Variants in THRB observed in about 807,000 individuals in gnomAD.
THRB encodes the protein nuclear receptor subfamily 1 group A member 2.
In THRB, 12 loss-of-function variants were observed where a neutral mutation model predicts 47.8. The ratio of observed to expected loss-of-function variants is 0.25; its 90% CI spans 0.16 to 0.41. The LOEUF is 0.41. Ranked by LOEUF, THRB falls within the 10% of genes least tolerant of loss-of-function variation. The pLI, the probability that THRB is intolerant of heterozygous loss-of-function variation, is 1.00. For missense variants in THRB, 348 were observed against 589.2 expected, an observed-to-expected ratio of 0.59 and a Z score of 4.24; for synonymous variants, 218 against 212.2, an observed-to-expected ratio of 1.03 and a Z score of -0.24.
intron 2 of THRB, among the ~76,000 whole-genome samples, chr3:24,330,317 T>C (rs76664891): frequency 6.9e-6 from 1 of 145,972 alleles, no homozygotes; most frequent in African/African-American, 2.5e-5. Flanking sequence ...CCGTCTCAAA[T>C]AAAAAAAAAA....
At chr3:24,236,924 C>T (rs957060955) in intron 3 of THRB, among the ~76,000 whole-genome samples, 3 of 152,066 alleles carry the variant, frequency 2.0e-5, no homozygotes, top group Admixed American at 2.0e-4. Flanking sequence ...GTTAAGAACT[C>T]AAATAGGAGA....
At chr3:24,255,645 A>C (rs2051183600) in intron 3 of THRB, among the ~76,000 whole-genome samples, 1 of 152,120 alleles carries the variant, frequency 6.6e-6, no homozygotes, top group Admixed American at 6.5e-5. Flanking sequence ...GGGCAATCCC[A>C]TGTGTGGGTT....
At chr3:24,474,152 A>G (rs1252054317) in intron 1 of THRB, among the ~76,000 whole-genome samples, 2 of 152,218 alleles carry the variant, frequency 1.3e-5, no homozygotes, top group Non-Finnish European at 2.9e-5. Flanking sequence ...GTGGTATTAC[A>G]CTAAACCTGC....
intron 3 of THRB, 117 bp from the exon 4 acceptor site, chr3:24,229,118 A>G (rs2047994930): frequency 4.3e-6 from 3 of 694,856 alleles, no homozygotes; most frequent in Non-Finnish European, 7.7e-6. Flanking sequence ...GTTACTCTCA[A>G]CTCAGAACTG....
intron 1 of THRB, among the ~76,000 whole-genome samples, chr3:24,457,564 A>T (rs1176037822): frequency 6.6e-6 from 1 of 152,218 alleles, no homozygotes; most frequent in Non-Finnish European, 1.5e-5. Flanking sequence ...TTGTCTTAAA[A>T]GGCAACAAAC....
chr3:24,335,514 T>C (rs1263402712), intron 2 of THRB, among the ~76,000 whole-genome samples: 2 of 152,212 alleles, frequency 1.3e-5, no homozygotes, highest in Non-Finnish European at 2.9e-5. Flanking sequence ...TTCTTTATTT[T>C]CCTCTTTGTT....
chr3:24,140,783 A>G (rs941989806), intron 8 of THRB, among the ~76,000 whole-genome samples: 10 of 152,228 alleles, frequency 6.6e-5, no homozygotes, highest in African/African-American at 2.4e-4. Context: ...TCTCCCAGAG[A>G]GAGAACGGGC....
chr3:24,375,762 G>A (rs2065240755), intron 1 of THRB, among the ~76,000 whole-genome samples: 1 of 151,734 alleles, frequency 6.6e-6, no homozygotes, highest in African/African-American at 2.4e-5. Flanking sequence ...CTCAAGCCCA[G>A]GGACATTGAG....
Position 24,118,701 on chromosome 3 carries a change from T to A in THRB, c.*4183A>T, listed in dbSNP as rs1425513665. On this transcript the variant is annotated 3_prime_UTR_variant, in exon 11 of 11. Transcript: ENST00000646209. Reference sequence around the variant, plus strand: ...CAATACATATGTAAAGTGTCTCCTTTTGTCTTACATTGTGCTCCATAATTT... The same window carrying A: ...CAATACATATGTAAAGTGTCTCCTTATGTCTTACATTGTGCTCCATAATTT... 6.6e-6 allele frequency: 1 copy of A among 152,634 alleles called. No individual in the cohort carries two copies. The highest frequency in any genetic ancestry group is 2.4e-5 in the African/African-American group (1 of 41,442). 9.5% of individuals were successfully genotyped at this position (152,634 alleles called of 1,614,324 possible).
chr3:24,280,653 C>T (rs1371994565), intron 3 of THRB, among the ~76,000 whole-genome samples: 2 of 152,146 alleles, frequency 1.3e-5, no homozygotes, highest in Non-Finnish European at 2.9e-5. Flanking sequence ...TATGGGAGGA[C>T]ATTCAAACCA....
intron 3 of THRB, among the ~76,000 whole-genome samples, chr3:24,236,498 C>A (rs1337715274): frequency 3.9e-5 from 6 of 152,128 alleles, no homozygotes; most frequent in Non-Finnish European, 7.4e-5. Flanking sequence ...TCCTGGCCAG[C>A]CTCAATCATC....
intron 6 of THRB, 112 bp from the exon 7 acceptor site, chr3:24,146,934 G>T (rs2036174215): frequency 2.2e-6 from 2 of 898,976 alleles, no homozygotes; most frequent in African/African-American, 1.7e-5. Flanking sequence ...ACCTTAACCT[G>T]TTTCTAGGCC....
intron 3 of THRB, among the ~76,000 whole-genome samples, chr3:24,235,984 G>A (rs964903922): frequency 2.0e-5 from 3 of 152,108 alleles, no homozygotes; most frequent in African/African-American, 7.2e-5. Flanking sequence ...GTCCCCACTT[G>A]AGCCTTCCCA....
intron 3 of THRB, among the ~76,000 whole-genome samples, chr3:24,273,580 T>C (rs2053575623): frequency 6.6e-6 from 1 of 152,234 alleles, no homozygotes; most frequent in Admixed American, 6.5e-5. Context: ...CTAAAGCTTG[T>C]GAAGACAGAA....
At chr3:24,277,630 C>A (rs1456867678) in intron 3 of THRB, among the ~76,000 whole-genome samples, 1 of 152,088 alleles carries the variant, frequency 6.6e-6, no homozygotes, top group Non-Finnish European at 1.5e-5. Flanking sequence ...TTCATCTATA[C>A]AAGATTTTGG....
intron 1 of THRB, among the ~76,000 whole-genome samples, chr3:24,363,546 C>A (rs1331529061): frequency 3.9e-5 from 6 of 152,024 alleles, no homozygotes; most frequent in Admixed American, 3.9e-4. Flanking sequence ...TTTGGCTAAA[C>A]CAAAACGTGA....
At chr3:24,328,076 C>T (rs905661556) in intron 2 of THRB, among the ~76,000 whole-genome samples, 4 of 151,958 alleles carry the variant, frequency 2.6e-5, no homozygotes, top group Admixed American at 1.3e-4. Context: ...CAGTAAAGTA[C>T]ACATTAAAGC....
At chr3:24,214,625 C>T (rs1032476533) in intron 4 of THRB, among the ~76,000 whole-genome samples, 5 of 152,198 alleles carry the variant, frequency 3.3e-5, no homozygotes, top group African/African-American at 1.2e-4. Context: ...TGGTGTTATC[C>T]TCCTTCTCTT....
intron 2 of THRB, among the ~76,000 whole-genome samples, chr3:24,325,998 T>A (rs939626922): frequency 2.3e-4 from 35 of 152,096 alleles, no homozygotes; most frequent in Non-Finnish European, 4.6e-4. Context: ...TAAAGTCAAA[T>A]TCCACTTATT....
Sources: gnomAD v4.1 joint callset for allele counts (sites outside exome capture counted in the v4.1 genomes callset) on GRCh38, gnomAD v4.1.1 for gene constraint, MANE v1.5 for transcripts, NCBI Gene and HGNC (gene_info 2026-07-23, HGNC 2026-07-21) for gene names.